UBR3: variants seen among roughly 807,000 people sequenced by gnomAD.
UBR3 encodes E3 ubiquitin-protein ligase UBR3.
Under a neutral mutation model 243.2 loss-of-function variants are expected in UBR3, and 85 were observed. That is an observed-to-expected ratio of 0.35 (90% CI 0.29 to 0.42). UBR3 has a LOEUF of 0.42. Among genes scored for constraint, UBR3 ranks in the 10% least tolerant of loss-of-function variants. The probability of loss-of-function intolerance (pLI) is 1.00; values close to 1 mark genes in which losing one functional copy is unlikely to be tolerated. For synonymous variants in UBR3, 748 were observed against 799.8 expected, an observed-to-expected ratio of 0.94 and a Z score of 1.09; for missense variants, 1,686 against 2,300.8, an observed-to-expected ratio of 0.73 and a Z score of 5.47.
At chr2:169,871,992 T>C (rs2083454542) in intron 1 of UBR3, among the ~76,000 whole-genome samples, 1 of 152,122 alleles carries the variant, frequency 6.6e-6, no homozygotes, top group African/African-American at 2.4e-5. Flanking sequence ...AATGAGATTT[T>C]CTTTTTGTAT....
chr2:169,974,785 G>A (rs75060100), intron 24 of UBR3, among the ~76,000 whole-genome samples: 6,131 of 152,046 alleles, frequency 0.04, 182 homozygotes, highest in East Asian at 0.11. Flanking sequence ...TTTCAATGTA[G>A]GTGTTTATTG....
intron 6 of UBR3, among the ~76,000 whole-genome samples, chr2:169,894,189 C>T (rs1263732368): frequency 6.6e-6 from 1 of 151,678 alleles, no homozygotes; most frequent in Non-Finnish European, 1.5e-5. Context: ...AGGGTGTGGT[C>T]TTGCACACCT....
chr2:169,934,868 T>A (rs915433832), intron 19 of UBR3, among the ~76,000 whole-genome samples: 5 of 152,190 alleles, frequency 3.3e-5, no homozygotes, highest in Non-Finnish European at 7.3e-5. Context: ...CTCTTATTGC[T>A]GGAAAAGGCC....
chr2:169,949,462 AATTT>A (rs1423518422), intron 22 of UBR3, 139 bp from the exon 23 acceptor site: 1 of 772,902 alleles, frequency 1.3e-6, no homozygotes, highest in Admixed American at 3.4e-5. Flanking sequence ...TCAAGGGAGA[AATTT>A]ATTTAAAGAG....
intron 5 of UBR3, among the ~76,000 whole-genome samples, chr2:169,886,413 C>A (rs2084103207): frequency 6.6e-6 from 1 of 152,132 alleles, no homozygotes. Flanking sequence ...AACTTATTCC[C>A]TTGATAGCTC....
At chr2:169,922,317 C>G (rs1382220504) in intron 11 of UBR3, among the ~76,000 whole-genome samples, 4 of 150,518 alleles carry the variant, frequency 2.7e-5, no homozygotes, top group Non-Finnish European at 5.9e-5. Flanking sequence ...AGAGTCTGCA[C>G]TTATCCACTG....
rs887541209 is a variant in UBR3 at position 169,875,739 on chromosome 2, A to G, written c.686-52A>G. 1.3e-5 allele frequency: 18 copies of G among 1,397,704 alleles called. No individual in the cohort carries two copies. In the Admixed American group the frequency reaches 4.3e-4, roughly 33 times the overall value. The allele number at this position is 1,397,704 out of a possible 1,614,324, so 86.6% of individuals were successfully genotyped here. ...AATAAATACTGTTATTTTTAGTAAG[A>G]TATTTTAAACAAAATTACCCTTATT... On this transcript the variant is annotated intron_variant, in intron 2 of 38. Transcript: ENST00000272793.
intron 2 of UBR3, among the ~76,000 whole-genome samples, chr2:169,873,112 G>T (rs891109526): frequency 5.3e-5 from 8 of 151,996 alleles, no homozygotes; most frequent in Non-Finnish European, 1.0e-4. Flanking sequence ...TTCTATAAGA[G>T]ATTACATTTT....
At chr2:170,003,540 A>C (rs962005198) in intron 27 of UBR3, among the ~76,000 whole-genome samples, 55 of 152,186 alleles carry the variant, frequency 3.6e-4, no homozygotes, top group African/African-American at 1.3e-3. Flanking sequence ...ACAATGGTAC[A>C]TAAGGCACAG....
rs770344042 is a variant in UBR3 at position 170,073,470 on chromosome 2, C to G, written c.5062C>G (p.Leu1688Val). Residue 1688 changes from leucine (L) to valine (V), a missense_variant, in exon 36 of 39, where the codon CTG (leucine) becomes GTG (valine). Around this residue, in one of 8 missense-constraint regions of UBR3, gnomAD observed 371 missense variants for 422.5 expected, o/e 0.88. Transcript: ENST00000272793. ...AGTTCTTGCCAGCTGCCTGGGACTT[C>G]TGCCAACGTTTTACCAAACAGAACA... ...FSVLASCLGL[L>V]PTFYQTEHPF... 5.0e-6 allele frequency: 8 copies of G among 1,613,592 alleles called. No individual in the cohort carries two copies. In the African/African-American group the frequency reaches 6.7e-5, roughly 13 times the overall value.
chr2:169,895,174 T>C lies in UBR3; in HGVS notation c.1106-7T>C. 1 of 1,496,420 alleles carries C rather than the reference T, an allele frequency of 6.7e-7. No homozygotes were observed. The allele number at this position is 1,496,420 out of a possible 1,614,324, so 92.7% of individuals were successfully genotyped here. On this transcript the variant is annotated splice_polypyrimidine_tract_variant and splice_region_variant and intron_variant, in intron 6 of 38. Transcript: ENST00000272793. ...ATTAACTGATAAATTTCATTTTTCA[T>C]GTGCAGATCAATCCATAATGGATGT...
At chr2:169,956,285 T>A (rs2087288622) in intron 23 of UBR3, among the ~76,000 whole-genome samples, 1 of 120,974 alleles carries the variant, frequency 8.3e-6, no homozygotes, top group Admixed American at 9.3e-5. Context: ...AAATTACATA[T>A]ATTTAACTAA....
At chr2:170,009,207 T>G (rs1463438212) in intron 29 of UBR3, among the ~76,000 whole-genome samples, 7 of 152,116 alleles carry the variant, frequency 4.6e-5, no homozygotes, top group Non-Finnish European at 1.5e-5. Flanking sequence ...GGGGCAGATA[T>G]GTACCTCGAA....
At chr2:169,959,011 T>C (rs1399721523) in intron 24 of UBR3, among the ~76,000 whole-genome samples, 2 of 152,188 alleles carry the variant, frequency 1.3e-5, no homozygotes, top group African/African-American at 2.4e-5. Context: ...TAGTAGCCTT[T>C]TACACACATT....
intron 32 of UBR3, among the ~76,000 whole-genome samples, chr2:170,047,143 ACAC>A (rs1162284225): frequency 4.6e-5 from 7 of 151,852 alleles, no homozygotes; most frequent in African/African-American, 1.4e-4. Flanking sequence ...CCACAGGTGC[ACAC>A]CACCACATTT....
intron 32 of UBR3, among the ~76,000 whole-genome samples, chr2:170,048,456 C>G (rs1187578455): frequency 6.6e-6 from 1 of 152,152 alleles, no homozygotes; most frequent in Non-Finnish European, 1.5e-5. Context: ...GCGTGTTTCT[C>G]CTTTCATAAA....
chr2:169,938,902 A>C (rs1451148276), intron 19 of UBR3, among the ~76,000 whole-genome samples: 1 of 152,042 alleles, frequency 6.6e-6, no homozygotes, highest in Non-Finnish European at 1.5e-5. Flanking sequence ...GTTTTAATAG[A>C]CCTTGCCTGT....
chr2:169,929,029 C>T (rs2105348358), intron 18 of UBR3, among the ~76,000 whole-genome samples, 161 bp downstream of exon 18: 1 of 152,282 alleles, frequency 6.6e-6, no homozygotes, highest in African/African-American at 2.4e-5. Context: ...AACAGTGATA[C>T]TGCTTTCAAT....
In UBR3 at chr2:170,005,650, T is replaced by C. The variant is rs367851491; in HGVS notation, c.4030-1340T>C. On this transcript the variant is annotated intron_variant, in intron 27 of 38. Transcript: ENST00000272793. Reference sequence around the variant, plus strand: ...TCAGATCACGAGTAATTTTGAGTTATTACAGGACAAGGATGTTGTTATGGT... The same window carrying C: ...TCAGATCACGAGTAATTTTGAGTTACTACAGGACAAGGATGTTGTTATGGT... 1.3e-4 allele frequency among the ~76,000 whole-genome samples: 20 copies of C among 152,266 alleles called. No homozygotes were observed. The East Asian group carries it at 1.5e-3, about 12-fold the overall frequency.
Sources: allele counts gnomAD v4.1 joint callset (sites outside exome capture counted in the v4.1 genomes callset), GRCh38; gene constraint gnomAD v4.1.1; regional missense constraint gnomAD v4.1.1; transcripts MANE v1.5; gene names NCBI Gene and HGNC (gene_info 2026-07-23, HGNC 2026-07-21).